The following CACUL1 variants were observed in gnomAD, a reference collection of about 807,000 sequenced individuals.
CACUL1 encodes CDK2 associated cullin domain 1.
In CACUL1, 13 loss-of-function variants were observed where a neutral mutation model predicts 45.2. The ratio of observed to expected loss-of-function variants is 0.29; its 90% CI spans 0.19 to 0.46. The LOEUF is 0.46. Ranked by LOEUF, CACUL1 falls within the 20% of genes least tolerant of loss-of-function variation. CACUL1 has a pLI of 1.00. For synonymous variants in CACUL1, 197 were observed against 174.2 expected, an observed-to-expected ratio of 1.13 and a Z score of -1.03; for missense variants, 421 against 471.4, an observed-to-expected ratio of 0.89 and a Z score of 0.99.
intron 3 of CACUL1, among the ~76,000 whole-genome samples, chr10:118,724,771 T>C (rs1390011631): frequency 2.0e-5 from 3 of 152,202 alleles, no homozygotes; most frequent in South Asian, 2.1e-4. Context: ...AGATATATTA[T>C]AGTATTCCAT....
At chr10:118,738,915 A>AAAAAAAAAAAAT (rs59742595) in intron 1 of CACUL1, among the ~76,000 whole-genome samples, 4 of 147,522 alleles carry the variant, frequency 2.7e-5, no homozygotes, top group African/African-American at 1.0e-4. Context: ...AAAAAAAAAA[A>AAAAAAAAAAAAT]GCCTGGGCGC....
chr10:118,734,048 T>G (rs1845720592), intron 1 of CACUL1, among the ~76,000 whole-genome samples: 1 of 152,144 alleles, frequency 6.6e-6, no homozygotes, highest in East Asian at 1.9e-4. Flanking sequence ...GTAGCCAAAA[T>G]TCATGCTATG....
Position 118,691,248 on chromosome 10 carries a change from A to T in CACUL1, c.1025+17T>A, listed in dbSNP as rs200246428. ...AATGGACATATTTGACCACTAAAGG[A>T]AAAAAAAACAACTTGCCTTGTAAAA... On this transcript the variant is annotated intron_variant, in intron 7 of 8. Coordinates refer to ENST00000369151, the MANE Select transcript of CACUL1 (RefSeq NM_153810.5). 1.0e-5 allele frequency: 16 copies of T among 1,590,598 alleles called. No individual in the cohort carries two copies. The Middle Eastern group carries it at 1.0e-3, about 100-fold the overall frequency.
At chr10:118,712,966 T>C (rs1276838951) in intron 3 of CACUL1, among the ~76,000 whole-genome samples, 1 of 152,206 alleles carries the variant, frequency 6.6e-6, no homozygotes, top group African/African-American at 2.4e-5. Context: ...GAGGCCTCAC[T>C]GGGGACCTGC....
chr10:118,687,612 G>GATT (rs1420011266), intron 7 of CACUL1, among the ~76,000 whole-genome samples: 1 of 152,060 alleles, frequency 6.6e-6, no homozygotes, highest in African/African-American at 2.4e-5. Flanking sequence ...GTAGAAGACA[G>GATT]ATTAGTTCAT....
chr10:118,721,828 A>G (rs1488858849), intron 3 of CACUL1, among the ~76,000 whole-genome samples: 1 of 152,246 alleles, frequency 6.6e-6, no homozygotes, highest in Non-Finnish European at 1.5e-5. Flanking sequence ...TCTCTTTTAG[A>G]TAACACATTA....
intron 4 of CACUL1, among the ~76,000 whole-genome samples, chr10:118,704,464 C>T (rs574147993): frequency 4.3e-4 from 65 of 152,284 alleles, no homozygotes; most frequent in Non-Finnish European, 7.6e-4. Context: ...GGTGGTTCTC[C>T]AGTGAAAGCC....
chr10:118,734,348 AT>A (rs1263020876), intron 1 of CACUL1, among the ~76,000 whole-genome samples: 1 of 152,206 alleles, frequency 6.6e-6, no homozygotes, highest in Non-Finnish European at 1.5e-5. Flanking sequence ...CAGACTTCCA[AT>A]GAGGTAAAGA....
rs200920100 is a variant in CACUL1 at position 118,754,776 on chromosome 10, G to T, written c.-14C>A. 3.6e-5 allele frequency: 56 copies of T among 1,540,062 alleles called. No individual in the cohort carries two copies. The Admixed American group carries it at 4.4e-4, about 12-fold the overall frequency. ...GCTTTCCTCCATCCTGCTGGCCCCC[G>T]GCACCCGCCCGCCTCACAGGCACCT... On this transcript the variant is annotated 5_prime_UTR_variant, in exon 1 of 9. Coordinates refer to ENST00000369151, the MANE Select transcript of CACUL1 (RefSeq NM_153810.5).
intron 1 of CACUL1, among the ~76,000 whole-genome samples, chr10:118,740,698 G>A (rs542959712): frequency 5.7e-4 from 87 of 152,076 alleles, no homozygotes; most frequent in African/African-American, 1.9e-3. Flanking sequence ...AGGCTGAGGC[G>A]GGCAGATCAT....
At chr10:118,727,182 A>C (rs1845659704) in intron 3 of CACUL1, among the ~76,000 whole-genome samples, 1 of 152,124 alleles carries the variant, frequency 6.6e-6, no homozygotes, top group Non-Finnish European at 1.5e-5. Context: ...TGAGTCCAGG[A>C]GTTTGAGACC....
At chr10:118,697,169 T>A (rs1845331408) in intron 5 of CACUL1, among the ~76,000 whole-genome samples, 1 of 151,940 alleles carries the variant, frequency 6.6e-6, no homozygotes. Context: ...GAGAAAAGAG[T>A]ACTGAGCATT....
chr10:118,682,326 C>T lies in CACUL1; in HGVS notation c.*3802G>A, dbSNP rs1009919534. On this transcript the variant is annotated 3_prime_UTR_variant, in exon 9 of 9. Coordinates refer to ENST00000369151, the MANE Select transcript of CACUL1 (RefSeq NM_153810.5). ...GTTATTTTAATAGCTGCTTATGAAA[C>T]AATAACAGTTTAACTCAAGGGCAAT... The T allele has an allele frequency of 2.0e-5, 3 of 152,040 alleles. No homozygotes were observed. Among genetic ancestry groups the T allele is most frequent in the African/African-American group, 7.2e-5 (3 of 41,380 alleles). 9.4% of individuals were successfully genotyped at this position (152,040 alleles called of 1,614,324 possible).
intron 1 of CACUL1, among the ~76,000 whole-genome samples, chr10:118,749,868 C>T (rs1014178756): frequency 7.2e-5 from 11 of 152,140 alleles, no homozygotes; most frequent in Admixed American, 7.2e-4. Context: ...TGTAACTCCC[C>T]CAGTTCTGAA....
At chr10:118,687,572 C>T (rs1845220471) in intron 7 of CACUL1, among the ~76,000 whole-genome samples, 1 of 152,326 alleles carries the variant, frequency 6.6e-6, no homozygotes, top group Non-Finnish European at 1.5e-5. Flanking sequence ...CCTTATTTAT[C>T]AACCCAGATG....
At chr10:118,724,554 TGTGA>T (rs1845634851) in intron 3 of CACUL1, among the ~76,000 whole-genome samples, 1 of 152,154 alleles carries the variant, frequency 6.6e-6, no homozygotes, top group African/African-American at 2.4e-5. Context: ...AAAAATCAGC[TGTGA>T]TTAATTAAGG....
At chr10:118,738,640 A>T (rs933462093) in intron 1 of CACUL1, among the ~76,000 whole-genome samples, 9 of 152,008 alleles carry the variant, frequency 5.9e-5, no homozygotes, top group Non-Finnish European at 1.2e-4. Context: ...CCAATACTTA[A>T]ATATGACAAG....
In CACUL1 at chr10:118,754,544, C is replaced by A. The variant is rs1179073471; in HGVS notation, c.219G>T (p.Gly73=). ...VSVDRKGPKE[G]LPMGPQPPPE... The stretch of plus-strand genomic sequence containing the variant: ...GCGGTGGCTGCGGCCCCATCGGGAG[C>A]CCCTCCTTGGGGCCTTTCCTGTCCA... Residue 73 remains glycine, a synonymous_variant, in exon 1 of 9, where the codon GGG becomes GGT. Transcript: ENST00000369151. 1 of 1,612,620 alleles carries A rather than the reference C, an allele frequency of 6.2e-7. No homozygotes were observed. The highest frequency in any genetic ancestry group is 2.2e-5 in the East Asian group (1 of 44,758).
rs948490690 is a variant in CACUL1 at position 118,684,934 on chromosome 10, C to T, written c.*1194G>A. 4.6e-5 allele frequency: 7 copies of T among 152,208 alleles called. No individual in the cohort carries two copies. Among genetic ancestry groups the T allele is most frequent in the African/African-American group, 1.7e-4 (7 of 41,458 alleles). The allele number at this position is 152,208 out of a possible 1,614,324, so 9.4% of individuals were successfully genotyped here. A position where few individuals can be genotyped will look rare whatever the true frequency, so the allele number is the denominator to read the frequency against. On this transcript the variant is annotated 3_prime_UTR_variant, in exon 9 of 9. Transcript: ENST00000369151. ...GGCTTTCAACAACAGCTAGAATAAGCTTCAGAAACTTTTATGATGGACTAA... is the reference window on the plus strand; with the variant it reads ...GGCTTTCAACAACAGCTAGAATAAGTTTCAGAAACTTTTATGATGGACTAA...
Sources: gnomAD v4.1 joint callset for allele counts (sites outside exome capture counted in the v4.1 genomes callset) on GRCh38, gnomAD v4.1.1 for gene constraint, MANE v1.5 for transcripts, NCBI Gene and HGNC (gene_info 2026-07-23, HGNC 2026-07-21) for gene names.